MYO3B: variants seen among roughly 807,000 people sequenced by gnomAD.
The protein encoded by MYO3B is myosin IIIB.
Under a neutral mutation model 174.6 loss-of-function variants are expected in MYO3B, and 156 were observed. The observed-to-expected ratio is 0.89, with a 90% CI of 0.78 to 1.02. MYO3B has a LOEUF of 1.02. Ranked by LOEUF, MYO3B falls within the 50% of genes least tolerant of loss-of-function variation. The pLI, the probability that MYO3B is intolerant of heterozygous loss-of-function variation, is 0.00. For missense variants in MYO3B, 1,632 were observed against 1,639.4 expected, an observed-to-expected ratio of 1.00 and a Z score of 0.08; for synonymous variants, 563 against 569.1, an observed-to-expected ratio of 0.99 and a Z score of 0.15.
intron 6 of MYO3B, among the ~76,000 whole-genome samples, chr2:170,223,262 A>C (rs147325924): frequency 1.3e-5 from 2 of 152,114 alleles, no homozygotes; most frequent in African/African-American, 4.8e-5. Flanking sequence ...ACTTAAAAAA[A>C]CTCACAAAAA....
intron 32 of MYO3B, among the ~76,000 whole-genome samples, chr2:170,636,309 A>AAGAT (rs1697467510): frequency 6.6e-6 from 1 of 152,160 alleles, no homozygotes; most frequent in Non-Finnish European, 1.5e-5. Flanking sequence ...GAGCACTTTG[A>AAGAT]AGATAACCTA....
intron 32 of MYO3B, among the ~76,000 whole-genome samples, chr2:170,642,590 T>C (rs978683126): frequency 1.3e-5 from 2 of 152,176 alleles, no homozygotes; most frequent in African/African-American, 2.4e-5. Context: ...TGAAAACTTA[T>C]GAAAATGTCT....
chr2:170,292,007 G>C (rs1415622827), intron 7 of MYO3B, among the ~76,000 whole-genome samples: 1 of 151,924 alleles, frequency 6.6e-6, no homozygotes, highest in African/African-American at 2.4e-5. Flanking sequence ...TTACTTCTTT[G>C]AATAAGCTTT....
intron 32 of MYO3B, among the ~76,000 whole-genome samples, chr2:170,595,271 G>A (rs192886675): frequency 1.3e-5 from 2 of 152,220 alleles, no homozygotes; most frequent in African/African-American, 2.4e-5. Flanking sequence ...AACTAAAGAC[G>A]GCCAGATGAT....
intron 3 of MYO3B, among the ~76,000 whole-genome samples, chr2:170,211,456 G>A (rs753345903): frequency 1.3e-5 from 2 of 152,120 alleles, no homozygotes; most frequent in African/African-American, 2.4e-5. Flanking sequence ...CGTTAACCTC[G>A]CAGGTGAAAC....
intron 32 of MYO3B, among the ~76,000 whole-genome samples, chr2:170,554,751 G>A (rs1330648985): frequency 2.6e-5 from 4 of 152,172 alleles, no homozygotes; most frequent in Admixed American, 6.5e-5. Context: ...TTAGGTTTTG[G>A]CGTTGGCCCA....
intron 32 of MYO3B, among the ~76,000 whole-genome samples, chr2:170,584,187 G>A (rs1693350993): frequency 6.6e-6 from 1 of 152,210 alleles, no homozygotes; most frequent in East Asian, 1.9e-4. Context: ...CAGGATTGTG[G>A]TCCCCCTATG....
At chr2:170,240,118 A>T (rs2093114674) in intron 7 of MYO3B, among the ~76,000 whole-genome samples, 1 of 152,148 alleles carries the variant, frequency 6.6e-6, no homozygotes, top group Admixed American at 6.5e-5. Flanking sequence ...GGATAATTTC[A>T]TCTGGGGATC....
At chr2:170,374,758 TACACACAC>T (rs201921789) in intron 9 of MYO3B, among the ~76,000 whole-genome samples, 2,789 of 139,862 alleles carry the variant, frequency 0.02, 65 homozygotes, top group Middle Eastern at 0.067. Flanking sequence ...TATGCATACA[TACACACAC>T]ACACACACAC....
intron 7 of MYO3B, among the ~76,000 whole-genome samples, chr2:170,332,904 G>C (rs2093921912): frequency 6.6e-6 from 1 of 152,140 alleles, no homozygotes; most frequent in Non-Finnish European, 1.5e-5. Flanking sequence ...ACCCTTGCCA[G>C]GTCACTCTCT....
intron 32 of MYO3B, among the ~76,000 whole-genome samples, chr2:170,549,418 G>A (rs915560852): frequency 2.0e-5 from 3 of 152,200 alleles, no homozygotes; most frequent in African/African-American, 2.4e-5. Flanking sequence ...AGGCATTAGT[G>A]ATTGATTTCG....
intron 12 of MYO3B, chr2:170,384,068 TA>T (rs1390908826): frequency 2.3e-5 from 9 of 398,108 alleles, no homozygotes; most frequent in African/African-American, 1.8e-4. Flanking sequence ...TAAGATATAA[TA>T]AAAATGTCTC....
intron 32 of MYO3B, among the ~76,000 whole-genome samples, chr2:170,545,141 G>C (rs1259220006): frequency 6.6e-6 from 1 of 151,896 alleles, no homozygotes; most frequent in Non-Finnish European, 1.5e-5. Flanking sequence ...TTCTCTCTTG[G>C]TATTCTATTT....
intron 23 of MYO3B, among the ~76,000 whole-genome samples, chr2:170,446,345 CTG>C (rs2094842346): frequency 6.6e-6 from 1 of 152,148 alleles, no homozygotes; most frequent in South Asian, 2.1e-4. Context: ...CTCCTTTCCT[CTG>C]TTTGATTTTT....
intron 22 of MYO3B, among the ~76,000 whole-genome samples, chr2:170,435,093 T>C (rs943617030): frequency 3.5e-4 from 54 of 152,376 alleles, no homozygotes; most frequent in African/African-American, 1.3e-3. Flanking sequence ...AGCGTAGGTC[T>C]GTCTCAAGCT....
chr2:170,611,739 A>C (rs866687335), intron 32 of MYO3B, among the ~76,000 whole-genome samples: 1 of 152,184 alleles, frequency 6.6e-6, no homozygotes, highest in Non-Finnish European at 1.5e-5. Flanking sequence ...TAGCACAATT[A>C]ATTTCTATAC....
At chr2:170,345,134 T>C (rs2094006941) in intron 8 of MYO3B, 1 of 152,218 alleles carries the variant, frequency 6.6e-6, no homozygotes, top group Non-Finnish European at 1.5e-5. Flanking sequence ...AATCTGGCTC[T>C]GGGTCAGTTA....
In MYO3B at chr2:170,217,516, T is replaced by C. The variant is rs76683696; in HGVS notation, c.603+121T>C. 1,284 of 846,010 alleles carry C rather than the reference T, an allele frequency of 1.5e-3. 21 individuals carry two copies. The East Asian group carries it at 0.026, about 17-fold the overall frequency. 52.4% of individuals were successfully genotyped at this position (846,010 alleles called of 1,614,324 possible). On this transcript the variant is annotated intron_variant, in intron 6 of 34. Coordinates refer to ENST00000408978, the MANE Select transcript of MYO3B (RefSeq NM_138995.5). ...GGGAGAAGAAAGTCCATTATCCTCA[T>C]TGAACTTTAAGAGTACTAGTTTGGT...
chr2:170,455,828 G>A (rs750264307), intron 23 of MYO3B, among the ~76,000 whole-genome samples: 6 of 152,154 alleles, frequency 3.9e-5, no homozygotes, highest in East Asian at 3.9e-4. Context: ...CAGAAAGCAC[G>A]CTTGCTCAGC....
Sources: allele counts gnomAD v4.1 joint callset (sites outside exome capture counted in the v4.1 genomes callset), GRCh38; gene constraint gnomAD v4.1.1; transcripts MANE v1.5; gene names NCBI Gene and HGNC (gene_info 2026-07-23, HGNC 2026-07-21).